KYAT3: variants seen among roughly 807,000 people sequenced by gnomAD.
KYAT3 encodes the protein kynurenine--oxoglutarate transaminase 3.
A neutral mutation model predicts 59.0 loss-of-function variants in KYAT3; 50 were observed. That is an observed-to-expected ratio of 0.85 (90% confidence interval 0.68 to 1.07). The LOEUF is 1.07. Among genes scored for constraint, KYAT3 ranks in the 50% least tolerant of loss-of-function variants. The pLI is 0.00. For synonymous variants in KYAT3, 148 were observed against 177.0 expected, an observed-to-expected ratio of 0.84 and a Z score of 1.30; for missense variants, 497 against 533.3, an observed-to-expected ratio of 0.93 and a Z score of 0.67.
chr1:88,927,861 C>T, the KYAT3 span, among the ~76,000 whole-genome samples: 1 of 152,122 alleles, frequency 6.6e-6, no homozygotes, highest in African/African-American at 2.4e-5. Context: ...CAGACACTAA[C>T]CCCAAATGAG....
the KYAT3 span, among the ~76,000 whole-genome samples, chr1:88,924,731 TGATCCAGTGAGGCACCCATTGCTGCTCCC>T: frequency 2.0e-5 from 3 of 152,224 alleles, no homozygotes; most frequent in Admixed American, 6.5e-5. Flanking sequence ...GCTGTGCTCC[TGATCCAGTGAGGCACCCATTGCTGCTCCC>T]GATTGGGCTA....
chr1:88,965,045 G>T, intron 4 of KYAT3, 67 bp from the exon 5 acceptor site: 2 of 1,221,120 alleles, frequency 1.6e-6, no homozygotes, highest in South Asian at 1.5e-5. Flanking sequence ...GAGGTAATAT[G>T]GCTCTAAAAT....
At chr1:88,952,776 C>G (rs1675734473) in intron 10 of KYAT3, among the ~76,000 whole-genome samples, 1 of 152,080 alleles carries the variant, frequency 6.6e-6, no homozygotes, top group South Asian at 2.1e-4. Context: ...TTTCATGGGG[C>G]AAACACATGT....
intron 8 of KYAT3, among the ~76,000 whole-genome samples, chr1:88,956,240 T>C (rs1440512838): frequency 6.6e-6 from 1 of 152,208 alleles, no homozygotes; most frequent in Non-Finnish European, 1.5e-5. Flanking sequence ...AACAGAAGCA[T>C]AATGTTGCCT....
chr1:88,922,507 C>G, the KYAT3 span, among the ~76,000 whole-genome samples: 1 of 152,154 alleles, frequency 6.6e-6, no homozygotes, highest in East Asian at 1.9e-4. Flanking sequence ...GCTCTGCCTC[C>G]TTTCAGATCA....
At chr1:88,986,540 C>T (rs1677468720) in intron 2 of KYAT3, among the ~76,000 whole-genome samples, 1 of 151,632 alleles carries the variant, frequency 6.6e-6, no homozygotes. Context: ...GATCCACTGG[C>T]CTCAGCCTCC....
chr1:88,978,323 T>A (rs2765525), intron 2 of KYAT3, among the ~76,000 whole-genome samples: 149,971 of 152,108 alleles, frequency 0.99, 73,963 homozygotes, highest in Middle Eastern at 1. Flanking sequence ...AGATTTTATT[T>A]CTTCTCCGGG....
At chr1:88,934,706 T>C (rs189809662), downstream of KYAT3, among the ~76,000 whole-genome samples, 6 of 152,266 alleles carry the variant, frequency 3.9e-5, no homozygotes, top group African/African-American at 1.4e-4. Flanking sequence ...TCTGAAGTGA[T>C]AGACAATGAA....
chr1:88,921,280 T>A, the KYAT3 span, among the ~76,000 whole-genome samples: 1 of 152,220 alleles, frequency 6.6e-6, no homozygotes, highest in Non-Finnish European at 1.5e-5. Context: ...ACAAAAAGGA[T>A]TAAAAAGTCT....
intron 13 of KYAT3, among the ~76,000 whole-genome samples, chr1:88,937,091 C>G (rs908422103): frequency 4.6e-5 from 7 of 152,158 alleles, no homozygotes; most frequent in Non-Finnish European, 1.0e-4. Context: ...TGGCCTCATG[C>G]AGGGTCCTGG....
At chr1:88,991,982 G>GTTTT (rs1368135539) in intron 1 of KYAT3, among the ~76,000 whole-genome samples, 5 of 21,048 alleles carry the variant, frequency 2.4e-4, no homozygotes, top group South Asian at 3.1e-3. Context: ...GTATTCTTTT[G>GTTTT]GTTTTTTTTT....
At chr1:88,922,237 G>C in the KYAT3 span, among the ~76,000 whole-genome samples, 3 of 152,148 alleles carry the variant, frequency 2.0e-5, no homozygotes, top group Non-Finnish European at 4.4e-5. Context: ...AAAAAAGCAT[G>C]CTTGAACACC....
intron 2 of KYAT3, chr1:88,983,131 T>C (rs368695693): frequency 6.2e-7 from 1 of 1,612,430 alleles, no homozygotes; most frequent in Non-Finnish European, 8.5e-7. Flanking sequence ...GTGCATAATC[T>C]CTTGTATCAC....
At chr1:88,974,649 A>G (rs1396341105) in intron 2 of KYAT3, among the ~76,000 whole-genome samples, 1 of 151,676 alleles carries the variant, frequency 6.6e-6, no homozygotes, top group African/African-American at 2.4e-5. Flanking sequence ...GGACTTGGAG[A>G]ACTTTTCTGT....
chr1:88,974,872 A>G (rs1049841674), intron 2 of KYAT3, among the ~76,000 whole-genome samples: 1 of 152,164 alleles, frequency 6.6e-6, no homozygotes, highest in African/African-American at 2.4e-5. Flanking sequence ...AGCACTCTGT[A>G]AAATGGACCA....
At chr1:88,934,762 A>G (rs959870973), downstream of KYAT3, among the ~76,000 whole-genome samples, 1 of 152,166 alleles carries the variant, frequency 6.6e-6, no homozygotes, top group African/African-American at 2.4e-5. Flanking sequence ...GGGAGCCGAT[A>G]GAAATAAAAT....
intron 2 of KYAT3, 47 bp downstream of exon 2, chr1:88,988,205 A>G (rs779895004): frequency 1.7e-6 from 2 of 1,179,532 alleles, no homozygotes. Context: ...TTTTTTGGAC[A>G]GTGCAGAATA....
chr1:88,979,927 C>T (rs1042274999), intron 2 of KYAT3: 27 of 152,166 alleles, frequency 1.8e-4, no homozygotes, highest in African/African-American at 6.5e-4. Context: ...CAAGGTCCAT[C>T]AACAGGTGAG....
intron 2 of KYAT3, among the ~76,000 whole-genome samples, chr1:88,976,173 A>G (rs1031973299): frequency 1.5e-4 from 23 of 152,038 alleles, no homozygotes; most frequent in African/African-American, 5.6e-4. Flanking sequence ...CCTGGCCAAT[A>G]TGGTGAAACC....
Sources: gnomAD v4.1 joint callset for allele counts (sites outside exome capture counted in the v4.1 genomes callset) on GRCh38, gnomAD v4.1.1 for gene constraint, MANE v1.5 for transcripts, NCBI Gene and HGNC (gene_info 2026-07-23, HGNC 2026-07-21) for gene names.